The following KAZN variants were observed in gnomAD, a reference collection of about 807,000 sequenced individuals.
The protein encoded by KAZN is kazrin.
Under a neutral mutation model 87.4 loss-of-function variants are expected in KAZN, and 40 were observed. The ratio of observed to expected loss-of-function variants is 0.46; its 90% CI spans 0.36 to 0.60. The LOEUF (loss-of-function observed/expected upper bound fraction) is 0.60. KAZN is among the 20% of genes least tolerant of loss of function. The pLI, the probability that KAZN is intolerant of heterozygous loss-of-function variation, is 0.00. For synonymous variants in KAZN, 466 were observed against 458.3 expected (o/e 1.02, Z -0.22); for missense variants, 898 against 1,073.9 (o/e 0.84, Z 2.29).
intron 1 of KAZN, among the ~76,000 whole-genome samples, chr1:14,851,326 G>A (rs74059612): frequency 0.011 from 1,687 of 152,268 alleles, 30 homozygotes; most frequent in African/African-American, 0.039. Context: ...CATGCCCTTC[G>A]TGTCCCACAG....
At chr1:14,654,439 C>T (rs1440895009) in intron 1 of KAZN, among the ~76,000 whole-genome samples, 1 of 152,004 alleles carries the variant, frequency 6.6e-6, no homozygotes, top group Non-Finnish European at 1.5e-5. Context: ...TCCCTAAATC[C>T]CCCCGCTGCC....
At chr1:14,525,435 G>T (rs1671811747) in intron 2 of KAZN, among the ~76,000 whole-genome samples, 1 of 152,226 alleles carries the variant, frequency 6.6e-6, no homozygotes, top group African/African-American at 2.4e-5. Flanking sequence ...AGTAAAAGCA[G>T]ACTTAGACAA....
At chr1:14,526,542 G>C (rs959276205) in intron 2 of KAZN, among the ~76,000 whole-genome samples, 1 of 152,152 alleles carries the variant, frequency 6.6e-6, no homozygotes, top group African/African-American at 2.4e-5. Flanking sequence ...AGAACCCTCC[G>C]GGTCATCTAT....
chr1:15,016,252 A>G lies in KAZN; in HGVS notation c.419-18497A>G, dbSNP rs553285921. Among the ~76,000 whole-genome samples the G allele has an allele frequency of 1.2e-4, 18 of 152,224 alleles. No individual in the cohort carries two copies. In the South Asian group the frequency reaches 3.5e-3, roughly 30 times the overall value. ...GGGGATGTGGCTCTGCCACACCTTG[A>G]TTTCGAGCTTCTGGCCTCTGAAACT... On this transcript the variant is annotated intron_variant, in intron 2 of 14. Transcript: ENST00000376030.
Position 14,870,572 on chromosome 1 carries a change from C to A in KAZN, c.227-90112C>A, listed in dbSNP as rs543611467. ...GCCAGGCTACTCTCAAACTCCTGAC[C>A]TCAAGTGATCTGCCCACCTTGGCTT... On this transcript the variant is annotated intron_variant, in intron 1 of 14. Transcript: ENST00000376030. Among the ~76,000 whole-genome samples, 54 of 152,242 alleles carry A rather than the reference C, an allele frequency of 3.5e-4. 1 individual carries two copies. In the South Asian group the frequency reaches 0.011, roughly 30 times the overall value.
intron 2 of KAZN, among the ~76,000 whole-genome samples, chr1:14,572,283 A>G (rs1674918337): frequency 6.6e-6 from 1 of 152,166 alleles, no homozygotes; most frequent in Admixed American, 6.5e-5. Context: ...GTCCGCTGGC[A>G]CGGCATTGTA....
At chr1:14,679,551 G>T (rs1469203063) in intron 1 of KAZN, among the ~76,000 whole-genome samples, 1 of 152,004 alleles carries the variant, frequency 6.6e-6, no homozygotes, top group Non-Finnish European at 1.5e-5. Flanking sequence ...CTGTCTCTAG[G>T]AACTAACACT....
chr1:14,224,467 A>G (rs1647194986), intron 2 of KAZN, among the ~76,000 whole-genome samples: 1 of 152,220 alleles, frequency 6.6e-6, no homozygotes, highest in Non-Finnish European at 1.5e-5. Context: ...AAAAAGGAAG[A>G]GGATACCACC....
chr1:15,080,637 G>C (rs1470290111), intron 8 of KAZN, among the ~76,000 whole-genome samples: 1 of 152,200 alleles, frequency 6.6e-6, no homozygotes, highest in Non-Finnish European at 1.5e-5. Context: ...CCATGATCGG[G>C]CCATAAAAAG....
At chr1:14,054,387 A>C (rs1642464446) in intron 1 of KAZN, among the ~76,000 whole-genome samples, 1 of 152,234 alleles carries the variant, frequency 6.6e-6, no homozygotes, top group Non-Finnish European at 1.5e-5. Context: ...GCTCCACAAG[A>C]ACCTCCCTAC....
intron 1 of KAZN, among the ~76,000 whole-genome samples, chr1:14,754,883 C>T (rs572815805): frequency 1.5e-4 from 23 of 152,112 alleles, no homozygotes; most frequent in African/African-American, 5.3e-4. Context: ...GAACCTCTGC[C>T]TTTCCCCCAC....
At chr1:15,064,595 G>A (rs373293620) in intron 7 of KAZN, among the ~76,000 whole-genome samples, 1 of 152,238 alleles carries the variant, frequency 6.6e-6, no homozygotes, top group Admixed American at 6.5e-5. Context: ...ACAAGAAAAC[G>A]TCTCAGAGCA....
At chr1:13,982,331 C>T (rs564018598) in intron 1 of KAZN, among the ~76,000 whole-genome samples, 2 of 152,248 alleles carry the variant, frequency 1.3e-5, no homozygotes, top group Non-Finnish European at 1.5e-5. Flanking sequence ...CTTAAGGGAG[C>T]GCGTCTGGAG....
chr1:15,049,164 C>A lies in KAZN; in HGVS notation c.726+5005C>A, dbSNP rs144612560. 2.6e-3 allele frequency among the ~76,000 whole-genome samples: 399 copies of A among 152,310 alleles called. 1 individual carries two copies. The highest frequency in any genetic ancestry group is 8.6e-3 in the African/African-American group (358 of 41,568). ...GAGGCAGCTCCCTTACCAGCCTTCC[C>A]TCAGTCCACAGGCCTTTCCCACCAG... On this transcript the variant is annotated intron_variant, in intron 4 of 14. Coordinates refer to ENST00000376030, the MANE Select transcript of KAZN (RefSeq NM_201628.3).
At chr1:14,279,917 A>G (rs765165119) in intron 2 of KAZN, among the ~76,000 whole-genome samples, 2 of 152,158 alleles carry the variant, frequency 1.3e-5, no homozygotes, top group Admixed American at 6.5e-5. Flanking sequence ...CCCTCGCTGC[A>G]GGCCAAAAAC....
Position 14,338,614 on chromosome 1 carries a change from A to ATT in KAZN, c.249+158024_249+158025dup, listed in dbSNP as rs75789062. Among the ~76,000 whole-genome samples, 154 of 124,884 alleles carry ATT rather than the reference A, an allele frequency of 1.2e-3. 1 individual carries two copies. The highest frequency in any genetic ancestry group is 2.0e-3 in the Non-Finnish European group (122 of 60,412). 81.9% of individuals were successfully genotyped at this position (124,884 alleles called of 152,430 possible). On this transcript the variant is annotated intron_variant, in intron 2 of 16. Transcript: ENST00000636203. ...AATAAAAGAGAGGCGATGGAAGGAA[A>ATT]TTTCCTTTTCTTGCTGTATGTCGTC...
intron 2 of KAZN, among the ~76,000 whole-genome samples, chr1:14,993,324 C>T (rs1450792848): frequency 6.6e-6 from 1 of 151,748 alleles, no homozygotes; most frequent in African/African-American, 2.4e-5. Context: ...AAAAAATTAG[C>T]CGGGCGTGGT....
intron 2 of KAZN, among the ~76,000 whole-genome samples, chr1:14,552,737 G>A (rs1673619382): frequency 6.6e-6 from 1 of 152,176 alleles, no homozygotes; most frequent in Admixed American, 6.5e-5. Context: ...ATAAAATACA[G>A]GTAAGAAGAA....
At chr1:14,050,720 C>T (rs1164080281) in intron 1 of KAZN, among the ~76,000 whole-genome samples, 1 of 152,130 alleles carries the variant, frequency 6.6e-6, no homozygotes, top group Non-Finnish European at 1.5e-5. Flanking sequence ...CCTCCTCCCT[C>T]TCCCTCCACT....
Sources: gnomAD v4.1 joint callset for allele counts (sites outside exome capture counted in the v4.1 genomes callset) on GRCh38, gnomAD v4.1.1 for gene constraint, MANE v1.5 for transcripts, NCBI Gene and HGNC (gene_info 2026-07-23, HGNC 2026-07-21) for gene names.